PC: variants seen among roughly 807,000 people sequenced by gnomAD.
PC encodes pyruvate carboxylase.
A neutral mutation model predicts 107.8 loss-of-function variants in PC; 46 were observed. The ratio of observed to expected loss-of-function variants is 0.43; its 90% CI spans 0.34 to 0.55. PC has a LOEUF of 0.55. PC is among the 20% of genes least tolerant of loss of function. PC has a pLI of 0.04. For synonymous variants in PC, 662 were observed against 684.7 expected (o/e 0.97, Z 0.52); for missense variants, 1,241 against 1,643.1 (o/e 0.76, Z 4.23).
chr11:66,863,662 CAGGGGCA>C, intron 12 of PC, 105 bp downstream of exon 12: 1 of 1,163,974 alleles, frequency 8.6e-7, no homozygotes, highest in South Asian at 1.4e-5. Flanking sequence ...ACCCATCAGT[CAGGGGCA>C]AGGCTGAGGT....
rs750653235 is a variant in PC, at chr11:66,871,081, G to T, written c.604C>A (p.Arg202Ser). 6.2e-7 allele frequency: 1 copy of T among 1,613,970 alleles called. No homozygotes were observed. Among genetic ancestry groups the T allele is most frequent in the South Asian group, 1.1e-5 (1 of 91,064 alleles). ...IFKAAYGGGG[R>S]GMRVVHSYEE... Reference sequence around the variant, plus strand: ...TAGCTGTGCACCACCCTCATGCCACGCCCTCCACCCCCATAGGCCGCCTTG... The same window carrying T: ...TAGCTGTGCACCACCCTCATGCCACTCCCTCCACCCCCATAGGCCGCCTTG... Residue 202 changes from arginine to serine, a missense_variant, in exon 7 of 23, where the codon CGT (arginine) becomes AGT (serine). Physicochemically the swap from Arg to Ser is moderately radical, Grantham distance 110 (BLOSUM62 -1). Transcript: ENST00000393960. This position sits in a 1 kb window ranked among gnomAD's most constrained non-coding sequence, Gnocchi z 7.4.
intron 3 of PC, among the ~76,000 whole-genome samples, chr11:66,905,381 AG>A (rs1176343684): frequency 6.6e-6 from 1 of 152,204 alleles, no homozygotes; most frequent in African/African-American, 2.4e-5. Flanking sequence ...CTCGTCTCCA[AG>A]GGCGGACTCC....
intron 12 of PC, among the ~76,000 whole-genome samples, chr11:66,854,397 G>A (rs1415565553): frequency 1.3e-5 from 2 of 152,130 alleles, no homozygotes; most frequent in Admixed American, 6.5e-5. Flanking sequence ...CACACCCATC[G>A]GCTTCATCCT....
At chr11:66,869,611 A>G (rs771265991) in intron 9 of PC, among the ~76,000 whole-genome samples, 46 of 152,198 alleles carry the variant, frequency 3.0e-4, no homozygotes, top group Non-Finnish European at 5.7e-4. Context: ...GATGCCTCGC[A>G]TTAGCTGTGG....
At chr11:66,936,498 G>C (rs1054084841) in intron 3 of PC, among the ~76,000 whole-genome samples, 1 of 152,112 alleles carries the variant, frequency 6.6e-6, no homozygotes. Flanking sequence ...TTGAGGTAAA[G>C]GGTAAATTCC....
chr11:66,872,312 C>T (rs184713658), intron 3 of PC, among the ~76,000 whole-genome samples, 153 bp from the exon 4 acceptor site: 40 of 152,094 alleles, frequency 2.6e-4, no homozygotes, highest in African/African-American at 8.9e-4. Context: ...TTTCCTGGCT[C>T]TAGAGAAGGG....
At chr11:66,874,910 T>C (rs111306895) in intron 3 of PC, among the ~76,000 whole-genome samples, 7 of 152,248 alleles carry the variant, frequency 4.6e-5, no homozygotes, top group African/African-American at 1.7e-4. Flanking sequence ...AGCTGGGACC[T>C]GGATGGGGAG....
chr11:66,859,728 G>T (rs371610702), intron 12 of PC: 3 of 1,610,636 alleles, frequency 1.9e-6, no homozygotes, highest in African/African-American at 2.7e-5. Flanking sequence ...GTCACCGGCC[G>T]CTGGGCCCTC....
chr11:66,907,776 C>T (rs962134477), intron 3 of PC: 1 of 152,294 alleles, frequency 6.6e-6, no homozygotes, highest in African/African-American at 2.4e-5. Flanking sequence ...GGCACCCCTA[C>T]CCAGGACAAA....
At chr11:66,868,694 CTT>C (rs1286068757) in intron 10 of PC, 150 bp downstream of exon 10, 5 of 657,484 alleles carry the variant, frequency 7.6e-6, no homozygotes, top group Non-Finnish European at 1.4e-5. Context: ...AGAATAATGA[CTT>C]TTAAAACACT....
intron 1 of PC, among the ~76,000 whole-genome samples, 160 bp from the exon 2 acceptor site, chr11:66,954,596 G>A (rs910688333): frequency 6.6e-6 from 1 of 152,168 alleles, no homozygotes; most frequent in African/African-American, 2.4e-5. Context: ...TCAGATGGGG[G>A]CAGGACGATA....
chr11:66,925,597 C>G (rs999633285), intron 3 of PC, among the ~76,000 whole-genome samples: 1 of 152,070 alleles, frequency 6.6e-6, no homozygotes, highest in Non-Finnish European at 1.5e-5. Context: ...CACACATGCT[C>G]TACAAACAAT....
At chr11:66,950,787 C>G (rs921022829) in intron 3 of PC, among the ~76,000 whole-genome samples, 1 of 152,142 alleles carries the variant, frequency 6.6e-6, no homozygotes. Flanking sequence ...TTCTGCTAAG[C>G]AGCCTTCTCT....
chr11:66,862,880 G>A (rs1397841429), intron 12 of PC, among the ~76,000 whole-genome samples: 1 of 152,228 alleles, frequency 6.6e-6, no homozygotes, highest in Admixed American at 6.5e-5. Context: ...TCATGTCTCT[G>A]CTGCGCCCCC....
At chr11:66,954,708 G>T (rs1017207575) in intron 1 of PC, among the ~76,000 whole-genome samples, 2 of 152,190 alleles carry the variant, frequency 1.3e-5, no homozygotes, top group African/African-American at 4.8e-5. Context: ...ACTTTGGGAG[G>T]CCAAGGCAGG....
chr11:66,955,025 C>T (rs974685861), intron 1 of PC, among the ~76,000 whole-genome samples: 1 of 152,158 alleles, frequency 6.6e-6, no homozygotes, highest in Non-Finnish European at 1.5e-5. Context: ...ATGTGGATTG[C>T]CAGATTTACT....
intron 12 of PC, among the ~76,000 whole-genome samples, chr11:66,861,469 G>A (rs1460842986): frequency 2.6e-5 from 4 of 152,238 alleles, no homozygotes; most frequent in East Asian, 1.9e-4. Context: ...TAAGGCATAC[G>A]TGTGTTCACG....
At chr11:66,881,573 C>T (rs887639687) in intron 3 of PC, among the ~76,000 whole-genome samples, 3 of 152,232 alleles carry the variant, frequency 2.0e-5, no homozygotes, top group East Asian at 1.9e-4. Context: ...ACAGAGCTGC[C>T]GCTTCCATAG....
chr11:66,875,463 C>T (rs1385382370), intron 3 of PC, among the ~76,000 whole-genome samples: 1 of 151,982 alleles, frequency 6.6e-6, no homozygotes, highest in East Asian at 1.9e-4. Flanking sequence ...ATCACAGGGG[C>T]GGTGGTGTCT....
Sources: allele counts gnomAD v4.1 joint callset (sites outside exome capture counted in the v4.1 genomes callset), GRCh38; gene constraint gnomAD v4.1.1; non-coding constraint Gnocchi (gnomAD v3.1); transcripts MANE v1.5; gene names NCBI Gene and HGNC (gene_info 2026-07-23, HGNC 2026-07-21).